NMBR: variants seen among roughly 807,000 people sequenced by gnomAD.
NMBR encodes neuromedin-B receptor.
Under a neutral mutation model 20.5 loss-of-function variants are expected in NMBR, and 16 were observed. That is an observed-to-expected ratio of 0.78 (90% CI 0.53 to 1.19). The LOEUF is 1.19. NMBR is among the 50% of genes most tolerant of loss of function. The pLI is 0.00. For synonymous variants in NMBR, 212 were observed against 196.6 expected (o/e 1.08, Z -0.65); for missense variants, 582 against 499.1 (o/e 1.17, Z -1.58).
In NMBR at chr6:142,088,809, A is replaced by G. The variant is rs1193143227; in HGVS notation, c.-151T>C. 2.9e-6 allele frequency: 2 copies of G among 678,910 alleles called. No individual in the cohort carries two copies. The highest frequency in any genetic ancestry group is 4.9e-6 in the Non-Finnish European group (2 of 408,746). The allele number at this position is 678,910 out of a possible 1,614,324, so 42.1% of individuals were successfully genotyped here. A position where few individuals can be genotyped will look rare whatever the true frequency, so the allele number is the denominator to read the frequency against. On this transcript the variant is annotated 5_prime_UTR_variant, in exon 2 of 4. Coordinates refer to ENST00000258042, the MANE Select transcript of NMBR (RefSeq NM_002511.4). Reference sequence around the variant, plus strand: ...GCAAGCCTCACAGCACCACGTCCCTAAGAGTTCAGGACCTGGGGAGGGGTC... The same window carrying G: ...GCAAGCCTCACAGCACCACGTCCCTGAGAGTTCAGGACCTGGGGAGGGGTC...
intron 1 of NMBR, among the ~76,000 whole-genome samples, chr6:142,109,290 C>T (rs991837348): frequency 2.0e-5 from 3 of 152,124 alleles, no homozygotes; most frequent in African/African-American, 7.2e-5. Flanking sequence ...CCCACATTTC[C>T]CTTCCACACT....
chr6:142,078,020 A>C (rs1776985296), intron 3 of NMBR, among the ~76,000 whole-genome samples: 1 of 152,078 alleles, frequency 6.6e-6, no homozygotes, highest in South Asian at 2.1e-4. Flanking sequence ...CTGCTTCAGC[A>C]CCAGCCCACC....
At chr6:142,098,595 A>T (rs772422246) in intron 1 of NMBR, among the ~76,000 whole-genome samples, 5 of 152,178 alleles carry the variant, frequency 3.3e-5, no homozygotes, top group Non-Finnish European at 7.4e-5. Flanking sequence ...TGAAATATGA[A>T]GTACTTAGAC....
At position 142,075,373 on chromosome 6, in the gene NMBR, T is replaced by C. The variant is rs1440201681; in HGVS notation, c.*275A>G. Among the ~76,000 whole-genome samples, 2 of 152,104 alleles carry C rather than the reference T, an allele frequency of 1.3e-5. No individual in the cohort carries two copies. The highest frequency in any genetic ancestry group is 2.1e-4 in the South Asian group (1 of 4,822). On this transcript the variant is annotated 3_prime_UTR_variant, in exon 4 of 4. Coordinates refer to ENST00000258042, the MANE Select transcript of NMBR (RefSeq NM_002511.4). ...GGGATCATCTTAAATGTGAAATATA[T>C]ATAATGTACATGTGTGTACATGTGT...
chr6:142,080,779 TGGAAGAAGACAA>T (rs1441806187), intron 2 of NMBR, among the ~76,000 whole-genome samples: 1 of 152,174 alleles, frequency 6.6e-6, no homozygotes, highest in Non-Finnish European at 1.5e-5. Flanking sequence ...TTTTTTTCTG[TGGAAGAAGACAA>T]GGAAAGGGCA....
chr6:142,094,047 T>C (rs1777392496), intron 1 of NMBR, among the ~76,000 whole-genome samples: 1 of 152,088 alleles, frequency 6.6e-6, no homozygotes, highest in Non-Finnish European at 1.5e-5. Flanking sequence ...ATTCTGGATA[T>C]TAGCCCTTTG....
chr6:142,079,169 GGAA>G (rs1777041908), intron 2 of NMBR, among the ~76,000 whole-genome samples: 1 of 143,754 alleles, frequency 7.0e-6, no homozygotes, highest in Non-Finnish European at 1.5e-5. Context: ...GGAGAGGAAA[GGAA>G]AGGAAAGGGA....
chr6:142,075,289 GC>G lies in NMBR; in HGVS notation c.*358del, dbSNP rs1288219180. ...ACCTAAGACAAATATGCTAGAACTGGCTTTAGCAACAGCCTAAATACTAAAG... is the reference window on the plus strand; with the variant it reads ...ACCTAAGACAAATATGCTAGAACTGGTTTAGCAACAGCCTAAATACTAAAG... On this transcript the variant is annotated 3_prime_UTR_variant, in exon 4 of 4. Transcript: ENST00000258042. Among the ~76,000 whole-genome samples the G allele has an allele frequency of 1.3e-5, 2 of 151,970 alleles. No homozygotes were observed. Among genetic ancestry groups the G allele is most frequent in the Non-Finnish European group, 1.5e-5 (1 of 67,984 alleles).
chr6:142,121,903 G>C (rs1777949396), intron 1 of NMBR, among the ~76,000 whole-genome samples: 2 of 151,904 alleles, frequency 1.3e-5, no homozygotes, highest in Admixed American at 1.3e-4. Flanking sequence ...CAAGGTGGTA[G>C]TCAATATGCA....
At chr6:142,128,497 A>T (rs1397007371) in intron 1 of NMBR, among the ~76,000 whole-genome samples, 1 of 152,012 alleles carries the variant, frequency 6.6e-6, no homozygotes, top group Non-Finnish European at 1.5e-5. Context: ...TGATGTTAGC[A>T]GTGGGCTTTT....
At chr6:142,121,777 C>A (rs1017812611) in intron 1 of NMBR, among the ~76,000 whole-genome samples, 3 of 151,846 alleles carry the variant, frequency 2.0e-5, no homozygotes, top group African/African-American at 4.8e-5. Context: ...TTACACCATG[C>A]ACATTTACCT....
chr6:142,085,608 C>T (rs1234029892), intron 2 of NMBR, among the ~76,000 whole-genome samples: 1 of 152,186 alleles, frequency 6.6e-6, no homozygotes, highest in Non-Finnish European at 1.5e-5. Context: ...TTTTAGGCCT[C>T]AAGGTGGATT....
chr6:142,137,746 A>G (rs1401276036), intron 1 of NMBR, among the ~76,000 whole-genome samples: 1 of 152,124 alleles, frequency 6.6e-6, no homozygotes, highest in African/African-American at 2.4e-5. Context: ...GCATCTATTG[A>G]GATAATCATG....
intron 1 of NMBR, among the ~76,000 whole-genome samples, 170 bp from the exon 2 acceptor site, chr6:142,089,491 G>T (rs567845107): frequency 7.2e-5 from 11 of 152,076 alleles, no homozygotes; most frequent in Non-Finnish European, 1.5e-4. Context: ...GAATTATAAC[G>T]TGTATAACGT....
Position 142,088,235 on chromosome 6 carries a change from A to C in NMBR, c.422+2T>G, listed in dbSNP as rs1237107034. ...GCCACTCACAGCTACCTGTGCTCTT[A>C]CCTGTCGGCGCTGAGGGCAGTGAGA... On this transcript the variant is annotated splice_donor_variant, in intron 2 of 3. Transcript: ENST00000258042. LOFTEE classifies it high-confidence loss of function. The C allele has an allele frequency of 1.9e-6, 3 of 1,608,726 alleles. No homozygotes were observed. Among genetic ancestry groups the C allele is most frequent in the Non-Finnish European group, 2.5e-6 (3 of 1,179,388 alleles).
At chr6:142,079,104 GAGAAAGAA>G (rs1554257065) in intron 2 of NMBR, among the ~76,000 whole-genome samples, 8 of 58,626 alleles carry the variant, frequency 1.4e-4, no homozygotes, top group East Asian at 8.8e-4. Context: ...AAGAGAGAGA[GAGAAAGAA>G]AGAAAGAAAG....
At chr6:142,104,204 T>C (rs1380159138) in intron 1 of NMBR, among the ~76,000 whole-genome samples, 4 of 152,290 alleles carry the variant, frequency 2.6e-5, no homozygotes, top group African/African-American at 9.6e-5. Flanking sequence ...AAGACACAAC[T>C]GACAAGGAAA....
At chr6:142,089,742 T>A (rs1777287122) in intron 1 of NMBR, among the ~76,000 whole-genome samples, 1 of 152,234 alleles carries the variant, frequency 6.6e-6, no homozygotes, top group Non-Finnish European at 1.5e-5. Flanking sequence ...GTATACTACA[T>A]CATTTTATAA....
chr6:142,083,059 T>C (rs536365163), intron 2 of NMBR, among the ~76,000 whole-genome samples: 1 of 152,318 alleles, frequency 6.6e-6, no homozygotes, highest in Admixed American at 6.5e-5. Flanking sequence ...ATTATGAATC[T>C]TGTGAGAATT....
Sources: gnomAD v4.1 joint callset for allele counts (sites outside exome capture counted in the v4.1 genomes callset) on GRCh38, gnomAD v4.1.1 for gene constraint, MANE v1.5 for transcripts, NCBI Gene and HGNC (gene_info 2026-07-23, HGNC 2026-07-21) for gene names.